KCND3: variants seen among roughly 807,000 people sequenced by gnomAD.
KCND3 encodes potassium voltage-gated channel subfamily D member 3.
In KCND3, 9 loss-of-function variants were observed where a neutral mutation model predicts 51.1. The observed-to-expected ratio is 0.18, with a 90% CI of 0.11 to 0.31. The LOEUF is 0.31. KCND3 is among the 10% of genes least tolerant of loss of function. The pLI is 1.00. For missense variants in KCND3, 526 were observed against 903.8 expected (o/e 0.58, Z 5.36); for synonymous variants, 349 against 368.0 (o/e 0.95, Z 0.59).
chr1:111,870,969 T>A (rs1668804389), intron 2 of KCND3, among the ~76,000 whole-genome samples: 1 of 152,200 alleles, frequency 6.6e-6, no homozygotes. Context: ...CATACTTATC[T>A]GCATGTGCAG....
intron 2 of KCND3, among the ~76,000 whole-genome samples, chr1:111,866,074 A>C (rs1448760865): frequency 6.6e-6 from 1 of 152,076 alleles, no homozygotes; most frequent in East Asian, 1.9e-4. Flanking sequence ...TTTAAATAAA[A>C]TATTTTTCAC....
chr1:111,793,311 G>A (rs979794663), intron 2 of KCND3, among the ~76,000 whole-genome samples: 1 of 151,956 alleles, frequency 6.6e-6, no homozygotes, highest in African/African-American at 2.4e-5. Flanking sequence ...AAGTAGCTGG[G>A]ACTACAGGTG....
At chr1:111,787,701 T>C (rs10399721) in intron 2 of KCND3, among the ~76,000 whole-genome samples, 6,869 of 152,204 alleles carry the variant, frequency 0.045, 173 homozygotes, top group African/African-American at 0.073. Context: ...ATGAGGAGTT[T>C]TAAGCAAAAG....
chr1:111,888,424 G>A (rs1283324881), intron 2 of KCND3, among the ~76,000 whole-genome samples: 2 of 152,200 alleles, frequency 1.3e-5, no homozygotes, highest in Non-Finnish European at 2.9e-5. Context: ...GGTGGCTCAC[G>A]CCTGTGATCC....
chr1:111,972,517 G>A (rs1674400146), intron 2 of KCND3, among the ~76,000 whole-genome samples: 1 of 152,182 alleles, frequency 6.6e-6, no homozygotes, highest in Non-Finnish European at 1.5e-5. Flanking sequence ...TATTAGTTAA[G>A]CTTCCCAAAC....
chr1:111,958,551 C>A (rs11586897), intron 2 of KCND3, among the ~76,000 whole-genome samples: 52,461 of 152,100 alleles, frequency 0.34, 9,190 homozygotes, highest in Admixed American at 0.41. Context: ...TAAGTAGAAT[C>A]GAAATTGGTG....
At position 111,778,585 on chromosome 1, in the gene KCND3, C is replaced by T. The variant is rs563366743; in HGVS notation, c.1462-93G>A. ...GTTTTGACATTCAATCTCTTGATCC[C>T]GGCATTCCACCCTTTGAGTCAAACA... On this transcript the variant is annotated intron_variant, in intron 5 of 7. Transcript: ENST00000302127. 75 of 1,181,032 alleles carry T rather than the reference C, an allele frequency of 6.4e-5. No individual in the cohort carries two copies. The East Asian group carries it at 9.4e-4, about 15-fold the overall frequency. 73.2% of individuals were successfully genotyped at this position (1,181,032 alleles called of 1,614,324 possible).
chr1:111,874,346 C>T lies in KCND3; in HGVS notation c.1107-87240G>A, dbSNP rs779516371. On this transcript the variant is annotated intron_variant, in intron 2 of 7. Transcript: ENST00000302127. ...ATCTGAGAACATACACATTCAAATA[C>T]GCTGTTCTTTCAAAATAGACACCTT... Among the ~76,000 whole-genome samples the T allele has an allele frequency of 3.2e-4, 49 of 152,306 alleles. No individual in the cohort carries two copies. The East Asian group carries it at 4.2e-3, about 13-fold the overall frequency.
At chr1:111,817,505 C>A (rs1285435648) in intron 2 of KCND3, among the ~76,000 whole-genome samples, 2 of 152,130 alleles carry the variant, frequency 1.3e-5, no homozygotes, top group African/African-American at 4.8e-5. Context: ...ATGACTTACA[C>A]TGGGGGGTTA....
At chr1:111,875,258 G>C (rs1362953873) in intron 2 of KCND3, among the ~76,000 whole-genome samples, 1 of 152,166 alleles carries the variant, frequency 6.6e-6, no homozygotes, top group Non-Finnish European at 1.5e-5. Flanking sequence ...AAATGTTTTT[G>C]TTTGTAGTTA....
chr1:111,842,321 CT>C (rs1240070503), intron 2 of KCND3, among the ~76,000 whole-genome samples: 1 of 152,204 alleles, frequency 6.6e-6, no homozygotes, highest in Non-Finnish European at 1.5e-5. Flanking sequence ...CCTGCCTGCC[CT>C]TTAATTCAGT....
At chr1:111,814,410 C>T (rs1665991509) in intron 2 of KCND3, among the ~76,000 whole-genome samples, 1 of 152,224 alleles carries the variant, frequency 6.6e-6, no homozygotes, top group Non-Finnish European at 1.5e-5. Flanking sequence ...GAAGAGGAAA[C>T]AGCGTATATT....
chr1:111,840,684 G>A (rs1667285932), intron 2 of KCND3, among the ~76,000 whole-genome samples: 1 of 152,160 alleles, frequency 6.6e-6, no homozygotes, highest in African/African-American at 2.4e-5. Flanking sequence ...TCCCACCTAA[G>A]CTGTATTCCC....
chr1:111,892,166 A>G (rs1669862065), intron 2 of KCND3, among the ~76,000 whole-genome samples: 1 of 152,208 alleles, frequency 6.6e-6, no homozygotes, highest in Non-Finnish European at 1.5e-5. Context: ...ACGACGACGG[A>G]TGAGGCAGGT....
intron 2 of KCND3, among the ~76,000 whole-genome samples, chr1:111,805,339 G>C (rs1017247431): frequency 6.6e-6 from 1 of 152,168 alleles, no homozygotes; most frequent in African/African-American, 2.4e-5. Context: ...TCTGGCCAGA[G>C]ATCCACCGCC....
chr1:111,937,808 T>C (rs1482595750), intron 2 of KCND3, among the ~76,000 whole-genome samples: 1 of 152,228 alleles, frequency 6.6e-6, no homozygotes, highest in East Asian at 1.9e-4. Flanking sequence ...TGGGTAGGCC[T>C]GAACACACAT....
chr1:111,945,705 C>A (rs1672746789), intron 2 of KCND3, among the ~76,000 whole-genome samples: 1 of 152,216 alleles, frequency 6.6e-6, no homozygotes, highest in Non-Finnish European at 1.5e-5. Flanking sequence ...AAGTCCCCAG[C>A]AGCTGGGTTT....
At chr1:111,896,097 C>T (rs188825316) in intron 2 of KCND3, among the ~76,000 whole-genome samples, 188 of 152,316 alleles carry the variant, frequency 1.2e-3, no homozygotes, top group Non-Finnish European at 2.3e-3. Context: ...TCATAACAGC[C>T]CCGGGAGGCA....
chr1:111,858,549 T>C (rs1318209111), intron 2 of KCND3, among the ~76,000 whole-genome samples: 3 of 152,354 alleles, frequency 2.0e-5, no homozygotes, highest in African/African-American at 7.2e-5. Context: ...ATTATTATCA[T>C]GTTGATTTTT....
Sources: allele counts gnomAD v4.1 joint callset (sites outside exome capture counted in the v4.1 genomes callset), GRCh38; gene constraint gnomAD v4.1.1; transcripts MANE v1.5; gene names NCBI Gene and HGNC (gene_info 2026-07-23, HGNC 2026-07-21).